Variants in GORASP2 observed in about 807,000 individuals in gnomAD.
GORASP2 encodes the protein Golgi reassembly-stacking protein 2.
In GORASP2, 22 loss-of-function variants were observed where a neutral mutation model predicts 45.7. The observed-to-expected ratio is 0.48, with a 90% confidence interval of 0.34 to 0.69. GORASP2 has a LOEUF of 0.69. GORASP2 is among the 30% of genes least tolerant of loss of function. The pLI is 0.01. For synonymous variants in GORASP2, 221 were observed against 215.6 expected (o/e 1.02, Z -0.22); for missense variants, 491 against 562.7 (o/e 0.87, Z 1.29).
At chr2:170,959,415 A>C (rs1704501093) in intron 7 of GORASP2, among the ~76,000 whole-genome samples, 1 of 152,268 alleles carries the variant, frequency 6.6e-6, no homozygotes, top group Non-Finnish European at 1.5e-5. Flanking sequence ...GGCACTGCAG[A>C]GAAATGGCTT....
intron 6 of GORASP2, 95 bp downstream of exon 6, chr2:170,954,877 T>G (rs565321024): frequency 1.1e-6 from 1 of 909,158 alleles, no homozygotes; most frequent in East Asian, 2.5e-5. Context: ...ACTATGAAAA[T>G]AGGGTAGACG....
chr2:170,934,808 G>A lies in GORASP2; in HGVS notation c.63+5405G>A, dbSNP rs1279612651. 5.3e-5 allele frequency among the ~76,000 whole-genome samples: 8 copies of A among 152,086 alleles called. No individual in the cohort carries two copies. The South Asian group carries it at 1.5e-3, about 28-fold the overall frequency. ...GCTGGAGTGCAGTTGTGCAATCTCA[G>A]CTCACTGCAACCTCCGCCTCCGAAG... On this transcript the variant is annotated intron_variant, in intron 1 of 9. Coordinates refer to ENST00000234160, the MANE Select transcript of GORASP2 (RefSeq NM_015530.5).
intron 5 of GORASP2, 124 bp downstream of exon 5, chr2:170,951,582 A>G (rs1704299322): frequency 3.9e-6 from 3 of 776,766 alleles, no homozygotes; most frequent in African/African-American, 1.8e-5. Context: ...CTTAAAAAAA[A>G]GGGAAGAGCT....
chr2:170,956,014 A>G (rs1704418591), intron 6 of GORASP2, among the ~76,000 whole-genome samples: 1 of 152,272 alleles, frequency 6.6e-6, no homozygotes. Context: ...TCTATCATGT[A>G]TTAAGACTTC....
At chr2:170,959,787 CCTG>C (rs1380293430) in intron 7 of GORASP2, among the ~76,000 whole-genome samples, 1 of 150,810 alleles carries the variant, frequency 6.6e-6, no homozygotes, top group Non-Finnish European at 1.5e-5. Flanking sequence ...ATCATTGTGA[CCTG>C]CTTGATTTTT....
At position 170,948,427 on chromosome 2, in the gene GORASP2, AT is replaced by A; in HGVS notation, c.143del (p.Leu48Ter). On this transcript the variant is annotated frameshift_variant and splice_region_variant, in exon 2 of 10. Transcript: ENST00000234160. LOFTEE classifies it high-confidence loss of function. ...TTATTGTTTCTATTAATGGTTCAAG[AT>A]TAGTAAGTTCAACTTTCTGTAGTTT... Reference protein sequence around the residue: ...DFIVSINGSRLNKDNDTLKDL... With the variant: ...DFIVSINGSRXNKDNDTLKDL... The A allele has an allele frequency of 6.6e-7, 1 of 1,507,360 alleles. No individual in the cohort carries two copies. The highest frequency in any genetic ancestry group is 1.1e-5 in the South Asian group (1 of 87,334). 93.4% of individuals were successfully genotyped at this position (1,507,360 alleles called of 1,614,324 possible). A position where few individuals can be genotyped will look rare whatever the true frequency, so the allele number is the denominator to read the frequency against.
chr2:170,945,636 T>C (rs939485216), intron 1 of GORASP2, among the ~76,000 whole-genome samples: 4 of 152,174 alleles, frequency 2.6e-5, no homozygotes, highest in African/African-American at 9.7e-5. Context: ...CAAACAGTTT[T>C]AGGGAGTTAG....
chr2:170,958,494 TATG>T (rs904176108), intron 7 of GORASP2, among the ~76,000 whole-genome samples: 1 of 152,122 alleles, frequency 6.6e-6, no homozygotes, highest in Non-Finnish European at 1.5e-5. Flanking sequence ...GAGTCCTTTT[TATG>T]ATATTACGAT....
At chr2:170,954,383 G>A in intron 5 of GORASP2, 2 of 328,380 alleles carry the variant, frequency 6.1e-6, no homozygotes, top group South Asian at 6.3e-5. Flanking sequence ...ATGAATTCTT[G>A]AAAAATAAAG....
At chr2:170,935,905 G>A (rs1159071374) in intron 1 of GORASP2, among the ~76,000 whole-genome samples, 1 of 152,148 alleles carries the variant, frequency 6.6e-6, no homozygotes, top group East Asian at 1.9e-4. Flanking sequence ...ATGTGATGAG[G>A]TGTGTTTTAA....
At chr2:170,935,868 G>A (rs764403599) in intron 1 of GORASP2, among the ~76,000 whole-genome samples, 5 of 152,204 alleles carry the variant, frequency 3.3e-5, no homozygotes, top group Middle Eastern at 3.4e-3. Context: ...GAGCCACTGC[G>A]CCCGGCCTGT....
rs890845094 is a variant in GORASP2 at position 170,932,045 on chromosome 2, G to C, written c.63+2642G>C. ...GTTCGAGACCAGCCTGACCAACATGGTGAAACCCCATCTCTATTAAAAATA... is the reference window on the plus strand; with the variant it reads ...GTTCGAGACCAGCCTGACCAACATGCTGAAACCCCATCTCTATTAAAAATA... On this transcript the variant is annotated intron_variant, in intron 1 of 9. Coordinates refer to ENST00000234160, the MANE Select transcript of GORASP2 (RefSeq NM_015530.5). Among the ~76,000 whole-genome samples the C allele has an allele frequency of 3.3e-5, 5 of 152,334 alleles. No individual in the cohort carries two copies. The South Asian group carries it at 8.3e-4, about 25-fold the overall frequency.
At chr2:170,955,474 A>G (rs1704403437) in intron 6 of GORASP2, among the ~76,000 whole-genome samples, 2 of 152,216 alleles carry the variant, frequency 1.3e-5, no homozygotes, top group Admixed American at 6.5e-5. Flanking sequence ...AATGTTTCTT[A>G]AGGAGGTATC....
At chr2:170,930,082 A>T (rs1440165736) in intron 1 of GORASP2, 1 of 222,840 alleles carries the variant, frequency 4.5e-6, no homozygotes, top group African/African-American at 2.4e-5. Flanking sequence ...TGTGGTTTAG[A>T]TTATAAGGTT....
At chr2:170,954,898 T>G (rs1253821750) in intron 6 of GORASP2, 116 bp downstream of exon 6, 5 of 729,428 alleles carry the variant, frequency 6.9e-6, no homozygotes, top group African/African-American at 1.8e-5. Flanking sequence ...ATGAGTTAAG[T>G]ATTGATTGTG....
chr2:170,959,594 A>G (rs773222693), intron 7 of GORASP2, among the ~76,000 whole-genome samples: 18 of 152,350 alleles, frequency 1.2e-4, no homozygotes, highest in Admixed American at 4.6e-4. Context: ...TTCACTTTTC[A>G]TTATATTGCT....
intron 7 of GORASP2, among the ~76,000 whole-genome samples, chr2:170,959,771 G>A (rs1012295122): frequency 2.0e-5 from 3 of 151,252 alleles, no homozygotes; most frequent in Admixed American, 6.6e-5. Flanking sequence ...TTTTGAAGTG[G>A]CATCGATCAT....
At chr2:170,962,670 T>G (rs974381125) in intron 8 of GORASP2, among the ~76,000 whole-genome samples, 169 bp from the exon 9 acceptor site, 9 of 152,362 alleles carry the variant, frequency 5.9e-5, no homozygotes, top group Admixed American at 5.9e-4. Flanking sequence ...TATATTTCAA[T>G]TAAGTGAAAT....
chr2:170,941,616 C>T (rs993294383), intron 1 of GORASP2, among the ~76,000 whole-genome samples: 1 of 152,164 alleles, frequency 6.6e-6, no homozygotes, highest in African/African-American at 2.4e-5. Flanking sequence ...ATAAGGGGAA[C>T]CATGTGCTAG....
Sources: gnomAD v4.1 joint callset for allele counts (sites outside exome capture counted in the v4.1 genomes callset) on GRCh38, gnomAD v4.1.1 for gene constraint, MANE v1.5 for transcripts, NCBI Gene and HGNC (gene_info 2026-07-23, HGNC 2026-07-21) for gene names.